The following ADAM7 variants were observed in gnomAD, a reference collection of about 807,000 sequenced individuals.
ADAM7 encodes ADAM metallopeptidase domain 7, also known as disintegrin and metalloproteinase domain-containing protein 7.
A neutral mutation model predicts 102.9 loss-of-function variants in ADAM7; 97 were observed. The ratio of observed to expected loss-of-function variants is 0.94; its 90% confidence interval spans 0.80 to 1.12. The LOEUF (loss-of-function observed/expected upper bound fraction) is 1.12. ADAM7 is among the 50% of genes most tolerant of loss of function. The probability of loss-of-function intolerance (pLI) is 0.00; values close to 1 mark genes in which losing one functional copy is unlikely to be tolerated. For synonymous variants in ADAM7, 334 were observed against 304.4 expected (o/e 1.10, Z -1.01); for missense variants, 991 against 908.7 (o/e 1.09, Z -1.16).
intron 3 of ADAM7, among the ~76,000 whole-genome samples, chr8:24,454,544 G>C (rs992182792): frequency 3.9e-5 from 6 of 152,180 alleles, no homozygotes; most frequent in Non-Finnish European, 8.8e-5. Context: ...CGATTTTGCA[G>C]GTGCCATCTG....
At chr8:24,458,265 A>T (rs1050364572) in intron 3 of ADAM7, among the ~76,000 whole-genome samples, 1 of 152,196 alleles carries the variant, frequency 6.6e-6, no homozygotes, top group Non-Finnish European at 1.5e-5. Flanking sequence ...GACTCTATAG[A>T]TAAGTTTGGA....
At chr8:24,452,176 C>T (rs1192905509) in intron 3 of ADAM7, among the ~76,000 whole-genome samples, 1 of 151,182 alleles carries the variant, frequency 6.6e-6, no homozygotes, top group South Asian at 2.1e-4. Flanking sequence ...CCACTTGGTG[C>T]AGAGCTGAGT....
intron 10 of ADAM7, among the ~76,000 whole-genome samples, 165 bp downstream of exon 10, chr8:24,485,526 T>A (rs926159823): frequency 3.9e-5 from 6 of 152,214 alleles, no homozygotes; most frequent in African/African-American, 1.4e-4. Context: ...TAAAAATGTT[T>A]TATTGAAAAA....
At chr8:24,465,810 T>A in intron 5 of ADAM7, 35 bp downstream of exon 5, 2 of 1,487,342 alleles carry the variant, frequency 1.3e-6, no homozygotes, top group African/African-American at 2.8e-5. Flanking sequence ...CCTTTATGAG[T>A]TTTCCTATGG....
chr8:24,457,872 G>C (rs1224235486), intron 3 of ADAM7, among the ~76,000 whole-genome samples: 1 of 151,660 alleles, frequency 6.6e-6, no homozygotes, highest in African/African-American at 2.4e-5. Flanking sequence ...GAGTGTGTGT[G>C]TGTGTGTGTG....
At chr8:24,446,315 C>CA (rs778523590) in intron 2 of ADAM7, among the ~76,000 whole-genome samples, 1 of 152,040 alleles carries the variant, frequency 6.6e-6, no homozygotes, top group Non-Finnish European at 1.5e-5. Flanking sequence ...TCCAGGAAAA[C>CA]AATTTATCAC....
chr8:24,470,106 CA>C (rs1488948011), intron 7 of ADAM7, among the ~76,000 whole-genome samples: 1 of 151,926 alleles, frequency 6.6e-6, no homozygotes, highest in African/African-American at 2.4e-5. Flanking sequence ...ATATCAAAGA[CA>C]AAGAAAAAAT....
At chr8:24,464,734 G>A (rs1361003693) in intron 4 of ADAM7, among the ~76,000 whole-genome samples, 1 of 151,558 alleles carries the variant, frequency 6.6e-6, no homozygotes, top group Non-Finnish European at 1.5e-5. Context: ...CCAAGTAGCT[G>A]TGACTACAGG....
At chr8:24,462,543 C>T (rs987685647) in intron 3 of ADAM7, among the ~76,000 whole-genome samples, 1 of 152,178 alleles carries the variant, frequency 6.6e-6, no homozygotes, top group African/African-American at 2.4e-5. Context: ...CCCTGAGCCT[C>T]CTTCCCTTTC....
chr8:24,497,398 A>G (rs559002863), intron 16 of ADAM7, among the ~76,000 whole-genome samples: 1 of 152,348 alleles, frequency 6.6e-6, no homozygotes, highest in South Asian at 2.1e-4. Flanking sequence ...ATAAAAAAGT[A>G]TAATTTGAGA....
chr8:24,477,796 T>C (rs567363213), intron 8 of ADAM7, among the ~76,000 whole-genome samples: 2 of 152,246 alleles, frequency 1.3e-5, no homozygotes, highest in Non-Finnish European at 1.5e-5. Flanking sequence ...CCTTCCCCTA[T>C]GTGGTTTTCA....
intron 2 of ADAM7, among the ~76,000 whole-genome samples, chr8:24,445,262 C>G (rs530553987): frequency 6.6e-6 from 1 of 152,234 alleles, no homozygotes; most frequent in East Asian, 1.9e-4. Context: ...AGTACCCACC[C>G]TAGTTTCTTG....
intron 16 of ADAM7, among the ~76,000 whole-genome samples, chr8:24,493,693 A>G (rs542015392): frequency 1.2e-4 from 19 of 152,332 alleles, no homozygotes; most frequent in South Asian, 4.1e-4. Flanking sequence ...GGTGTGACCA[A>G]TGTATATTGA....
intron 8 of ADAM7, among the ~76,000 whole-genome samples, chr8:24,480,655 G>A (rs1260596831): frequency 6.6e-6 from 1 of 152,206 alleles, no homozygotes; most frequent in South Asian, 2.1e-4. Context: ...TAAACGTAAA[G>A]CCCATTTGTG....
At chr8:24,477,365 A>G (rs1192998099) in intron 8 of ADAM7, among the ~76,000 whole-genome samples, 1 of 152,002 alleles carries the variant, frequency 6.6e-6, no homozygotes, top group Non-Finnish European at 1.5e-5. Context: ...ATTAGTTGAA[A>G]TTTTTCTATG....
intron 8 of ADAM7, among the ~76,000 whole-genome samples, chr8:24,481,381 T>C (rs530101438): frequency 2.0e-5 from 3 of 152,340 alleles, no homozygotes; most frequent in East Asian, 3.9e-4. Flanking sequence ...ATGAATGATC[T>C]TTCCATTTCT....
intron 8 of ADAM7, among the ~76,000 whole-genome samples, chr8:24,481,934 C>T (rs1346530254): frequency 6.6e-6 from 1 of 152,114 alleles, no homozygotes; most frequent in Non-Finnish European, 1.5e-5. Flanking sequence ...CAAATTTCAC[C>T]ATTGCCCAGA....
At chr8:24,501,245 C>T in intron 19 of ADAM7, among the ~76,000 whole-genome samples, 1 of 152,018 alleles carries the variant, frequency 6.6e-6, no homozygotes, top group Admixed American at 6.6e-5. Flanking sequence ...TTTGTTTATC[C>T]CATAATTTCT....
chr8:24,460,343 GTTA>G (rs1157327548), intron 3 of ADAM7, among the ~76,000 whole-genome samples: 1 of 151,750 alleles, frequency 6.6e-6, no homozygotes, highest in Admixed American at 6.6e-5. Context: ...GAATGTTAAT[GTTA>G]TTATTTTTTA....
Sources: gnomAD v4.1 joint callset for allele counts (sites outside exome capture counted in the v4.1 genomes callset) on GRCh38, gnomAD v4.1.1 for gene constraint, MANE v1.5 for transcripts, NCBI Gene and HGNC (gene_info 2026-07-23, HGNC 2026-07-21) for gene names.